Variants in IFT52 observed in about 807,000 individuals in gnomAD.
The protein encoded by IFT52 is intraflagellar transport 52, also known as intraflagellar transport protein 52 homolog.
Under a neutral mutation model 54.4 loss-of-function variants are expected in IFT52, and 44 were observed. The ratio of observed to expected loss-of-function variants is 0.81; its 90% CI spans 0.63 to 1.04. The LOEUF is 1.04. Ranked by LOEUF, IFT52 falls within the 50% of genes least tolerant of loss-of-function variation. The pLI is 0.00. For synonymous variants in IFT52, 181 were observed against 185.3 expected (o/e 0.98, Z 0.19); for missense variants, 452 against 523.6 (o/e 0.86, Z 1.33).
chr20:43,638,307 C>G (rs1985685441), intron 12 of IFT52, among the ~76,000 whole-genome samples: 1 of 152,078 alleles, frequency 6.6e-6, no homozygotes, highest in Admixed American at 6.6e-5. Context: ...TCTCCTGCCT[C>G]AGCCTCCCAA....
intron 6 of IFT52, among the ~76,000 whole-genome samples, chr20:43,605,462 G>A (rs1982791954): frequency 6.6e-6 from 1 of 152,216 alleles, no homozygotes. Context: ...CAGGAGAACT[G>A]TTTGAACCCC....
intron 10 of IFT52, among the ~76,000 whole-genome samples, chr20:43,632,842 T>A (rs1445912488): frequency 6.6e-6 from 1 of 152,214 alleles, no homozygotes; most frequent in Admixed American, 6.6e-5. Flanking sequence ...GTTGCAAGAT[T>A]CACTGTGTCC....
At chr20:43,618,714 C>T (rs538455884) in intron 7 of IFT52, among the ~76,000 whole-genome samples, 2 of 152,132 alleles carry the variant, frequency 1.3e-5, no homozygotes, top group South Asian at 4.1e-4. Context: ...GAACTCTCAA[C>T]CTCAGGTGAT....
intron 6 of IFT52, 134 bp from the exon 7 acceptor site, chr20:43,613,716 C>G: frequency 1.2e-6 from 1 of 809,092 alleles, no homozygotes; most frequent in Non-Finnish European, 2.0e-6. Flanking sequence ...AAGATCGCAC[C>G]ACTGCACTGC....
chr20:43,596,551 T>C (rs1981975864), intron 3 of IFT52, 29 bp downstream of exon 3: 1 of 1,411,678 alleles, frequency 7.1e-7, no homozygotes, highest in Non-Finnish European at 1.0e-6. Flanking sequence ...AGAAGGAATA[T>C]GGTGAAATGA....
intron 9 of IFT52, among the ~76,000 whole-genome samples, chr20:43,621,685 A>T (rs1447620982): frequency 6.6e-6 from 1 of 151,704 alleles, no homozygotes; most frequent in Non-Finnish European, 1.5e-5. Flanking sequence ...CTGGTCTCAA[A>T]CTCCTGACCT....
intron 10 of IFT52, among the ~76,000 whole-genome samples, chr20:43,624,949 A>G (rs773556429): frequency 3.3e-5 from 5 of 152,052 alleles, no homozygotes; most frequent in Non-Finnish European, 5.9e-5. Context: ...ATGTTTGTGA[A>G]ATTAGCATGC....
intron 10 of IFT52, among the ~76,000 whole-genome samples, chr20:43,631,710 C>T (rs967608822): frequency 1.3e-5 from 2 of 152,218 alleles, no homozygotes; most frequent in Admixed American, 6.5e-5. Context: ...TCTGTAGGCT[C>T]GCTCCTAACA....
chr20:43,597,911 A>AAG (rs1555801006), intron 3 of IFT52, among the ~76,000 whole-genome samples: 2 of 150,966 alleles, frequency 1.3e-5, no homozygotes, highest in East Asian at 3.9e-4. Context: ...AAAAAAAAAA[A>AAG]CTGCCATATG....
At chr20:43,640,222 C>T (rs423420) in intron 12 of IFT52, among the ~76,000 whole-genome samples, 236 of 151,676 alleles carry the variant, frequency 1.6e-3, no homozygotes, top group African/African-American at 5.6e-3. Context: ...TTTGGGAGGC[C>T]GAGGCAGGTG....
At chr20:43,600,393 C>T (rs1027695185) in intron 3 of IFT52, among the ~76,000 whole-genome samples, 10 of 151,912 alleles carry the variant, frequency 6.6e-5, no homozygotes, top group Admixed American at 3.9e-4. Context: ...CAAGCTCCGC[C>T]TCCCGGGTTC....
At chr20:43,641,333 G>A (rs1471823583) in intron 12 of IFT52, among the ~76,000 whole-genome samples, 3 of 152,064 alleles carry the variant, frequency 2.0e-5, no homozygotes, top group African/African-American at 7.2e-5. Flanking sequence ...TGCCTCCCGG[G>A]TTCAAGCGAT....
chr20:43,618,914 A>G (rs371203756), intron 7 of IFT52, 26 bp from the exon 8 acceptor site: 7 of 1,542,776 alleles, frequency 4.5e-6, no homozygotes, highest in Non-Finnish European at 5.4e-6. Flanking sequence ...GGATTTGAGT[A>G]TCTGACCCTG....
chr20:43,591,197 G>T (rs1981482596), intron 1 of IFT52, 143 bp downstream of exon 1: 1 of 152,350 alleles, frequency 6.6e-6, no homozygotes, highest in Admixed American at 6.5e-5. Context: ...TGTGGGCGCG[G>T]ACGTAGCCCG....
chr20:43,644,879 G>A lies in IFT52; in HGVS notation c.1267-2057G>A, dbSNP rs1178687747. On this transcript the variant is annotated intron_variant, in intron 13 of 13. Coordinates refer to ENST00000373030, the MANE Select transcript of IFT52 (RefSeq NM_016004.5). Reference sequence around the variant, plus strand: ...CCCAACACTTTGGGAGGCTGAGGTGGGCGGATCACTTGAGGTCAGGAATTC... The same window carrying A: ...CCCAACACTTTGGGAGGCTGAGGTGAGCGGATCACTTGAGGTCAGGAATTC... Among the ~76,000 whole-genome samples, 6 of 57,440 alleles carry A rather than the reference G, an allele frequency of 1.0e-4. 3 individuals carry two copies. The highest frequency in any genetic ancestry group is 3.0e-4 in the African/African-American group (6 of 19,782). The allele number at this position is 57,440 out of a possible 152,430, so 37.7% of individuals were successfully genotyped here.
chr20:43,608,063 G>A lies in IFT52; in HGVS notation c.485+2990G>A, dbSNP rs184201261. Among the ~76,000 whole-genome samples the A allele has an allele frequency of 9.1e-3, 1,389 of 152,052 alleles. 13 individuals carry two copies. Among genetic ancestry groups the A allele is most frequent in the Non-Finnish European group, 0.014 (979 of 67,970 alleles). On this transcript the variant is annotated intron_variant, in intron 6 of 13. Transcript: ENST00000373030. Reference sequence around the variant, plus strand: ...CTCGGCAGGCTGAGGCAGGAAATCAGGCAGGGAGGTTGCAGTGAGCCGAGA... The same window carrying A: ...CTCGGCAGGCTGAGGCAGGAAATCAAGCAGGGAGGTTGCAGTGAGCCGAGA...
At chr20:43,626,614 C>CT (rs1984741115) in intron 10 of IFT52, among the ~76,000 whole-genome samples, 1 of 151,704 alleles carries the variant, frequency 6.6e-6, no homozygotes, top group Admixed American at 6.6e-5. Context: ...CTTTCTTTTC[C>CT]TTTTTTTCTG....
chr20:43,604,045 T>G, intron 4 of IFT52, 138 bp from the exon 5 acceptor site: 1 of 939,428 alleles, frequency 1.1e-6, no homozygotes, highest in Non-Finnish European at 1.7e-6. Flanking sequence ...CCTCCTAGGC[T>G]TGGGCTGCTT....
At position 43,609,891 on chromosome 20, in the gene IFT52, G is replaced by A. The variant is rs193044790; in HGVS notation, c.486-3959G>A. Among the ~76,000 whole-genome samples, 86 of 145,358 alleles carry A rather than the reference G, an allele frequency of 5.9e-4. 1 individual carries two copies. Among genetic ancestry groups the A allele is most frequent in the African/African-American group, 1.9e-3 (75 of 39,318 alleles). ...TTGAACCCAGGAGGCAGAGGTTGCCGTGAGCCAAAATCGCACCACTGCACT... is the reference window on the plus strand; with the variant it reads ...TTGAACCCAGGAGGCAGAGGTTGCCATGAGCCAAAATCGCACCACTGCACT... On this transcript the variant is annotated intron_variant, in intron 6 of 13. Coordinates refer to ENST00000373030, the MANE Select transcript of IFT52 (RefSeq NM_016004.5).
Sources: gnomAD v4.1 joint callset for allele counts (sites outside exome capture counted in the v4.1 genomes callset) on GRCh38, gnomAD v4.1.1 for gene constraint, MANE v1.5 for transcripts, NCBI Gene and HGNC (gene_info 2026-07-23, HGNC 2026-07-21) for gene names.